The following KIAA1217 variants were observed in gnomAD, a reference collection of about 807,000 sequenced individuals.
KIAA1217 encodes sickle tail protein homolog.
Under a neutral mutation model 163.9 loss-of-function variants are expected in KIAA1217, and 88 were observed. The ratio of observed to expected loss-of-function variants is 0.54; its 90% CI spans 0.45 to 0.64. The LOEUF (loss-of-function observed/expected upper bound fraction) is 0.64. Ranked by LOEUF, KIAA1217 falls within the 30% of genes least tolerant of loss-of-function variation. The pLI is 0.00. For missense variants in KIAA1217, 2,372 were observed against 2,475.0 expected, an observed-to-expected ratio of 0.96 and a Z score of 0.88; for synonymous variants, 903 against 923.1, an observed-to-expected ratio of 0.98 and a Z score of 0.39.
intron 2 of KIAA1217, among the ~76,000 whole-genome samples, chr10:24,075,108 T>C (rs571165318): frequency 2.7e-5 from 4 of 145,698 alleles, no homozygotes; most frequent in East Asian, 4.0e-4. Context: ...AGTCCTTCTG[T>C]TCCCCCTAAA....
chr10:23,781,046 T>C (rs1041121630), intron 1 of KIAA1217, among the ~76,000 whole-genome samples: 2 of 152,212 alleles, frequency 1.3e-5, no homozygotes, highest in African/African-American at 4.8e-5. Context: ...TTGGCCGTTG[T>C]TGAGTAATGT....
chr10:24,372,293 TA>T (rs964040991), intron 2 of KIAA1217, among the ~76,000 whole-genome samples: 3 of 152,042 alleles, frequency 2.0e-5, no homozygotes, highest in African/African-American at 7.3e-5. Context: ...AAAGAAACGT[TA>T]AGAACACATA....
chr10:23,963,724 T>A (rs1375228573), intron 1 of KIAA1217, among the ~76,000 whole-genome samples: 1 of 152,134 alleles, frequency 6.6e-6, no homozygotes, highest in Non-Finnish European at 1.5e-5. Context: ...TAATTTATAC[T>A]CCCACCAACA....
chr10:24,093,371 T>A (rs548286298), intron 2 of KIAA1217, among the ~76,000 whole-genome samples: 6 of 151,376 alleles, frequency 4.0e-5, no homozygotes, highest in African/African-American at 7.3e-5. Flanking sequence ...GGGGTTTCAC[T>A]ATGTTTGCCA....
chr10:23,857,315 T>C (rs959948917), intron 1 of KIAA1217, among the ~76,000 whole-genome samples: 1 of 152,154 alleles, frequency 6.6e-6, no homozygotes, highest in African/African-American at 2.4e-5. Context: ...CTGAGCATCT[T>C]TTCAAATAGT....
At chr10:24,011,514 T>TA (rs1190923110) in intron 2 of KIAA1217, among the ~76,000 whole-genome samples, 5 of 151,758 alleles carry the variant, frequency 3.3e-5, no homozygotes, top group East Asian at 1.9e-4. Flanking sequence ...ATTGTCTTTT[T>TA]AAAAAAAAGC....
rs1310999683 is a variant in KIAA1217, at chr10:23,818,268, TATA to T, written c.-321+123038_-321+123040del. ...CATAATATATATTTTATATGTAATATATAATATGTTATATATTTATATGTTATA... is the reference window on the plus strand; with the variant it reads ...CATAATATATATTTTATATGTAATATATATGTTATATATTTATATGTTATA... On this transcript the variant is annotated intron_variant, in intron 1 of 18. Transcript: ENST00000376462. 5.6e-5 allele frequency among the ~76,000 whole-genome samples: 8 copies of T among 143,426 alleles called. No homozygotes were observed. In the East Asian group the frequency reaches 1.6e-3, roughly 29 times the overall value. 94.1% of individuals were successfully genotyped at this position (143,426 alleles called of 152,430 possible). A position where few individuals can be genotyped will look rare whatever the true frequency, so the allele number is the denominator to read the frequency against.
intron 1 of KIAA1217, among the ~76,000 whole-genome samples, chr10:23,838,332 T>C (rs139809390): frequency 6.6e-6 from 1 of 152,348 alleles, no homozygotes; most frequent in African/African-American, 2.4e-5. Context: ...GAATACAGTA[T>C]ACATTTTGTT....
chr10:23,803,886 T>TAC (rs200326047), intron 1 of KIAA1217, among the ~76,000 whole-genome samples: 4 of 151,358 alleles, frequency 2.6e-5, no homozygotes, highest in South Asian at 2.1e-4. Flanking sequence ...CACACACACA[T>TAC]ACACACACAC....
At chr10:24,144,344 A>G (rs147731623) in intron 2 of KIAA1217, among the ~76,000 whole-genome samples, 4 of 152,356 alleles carry the variant, frequency 2.6e-5, no homozygotes, top group African/African-American at 9.6e-5. Flanking sequence ...GCAGAGGGAA[A>G]TAGAAGAGCA....
At chr10:24,426,937 A>G (rs2059221206) in intron 3 of KIAA1217, among the ~76,000 whole-genome samples, 1 of 152,214 alleles carries the variant, frequency 6.6e-6, no homozygotes, top group African/African-American at 2.4e-5. Flanking sequence ...TGAGATAAAG[A>G]TATTTTAGAA....
In KIAA1217 at chr10:23,752,246, G is replaced by A. The variant is rs1458278464; in HGVS notation, c.-321+57012G>A. 2.0e-5 allele frequency among the ~76,000 whole-genome samples: 3 copies of A among 152,204 alleles called. No homozygotes were observed. In the East Asian group the frequency reaches 5.8e-4, roughly 29 times the overall value. On this transcript the variant is annotated intron_variant, in intron 1 of 18. Coordinates refer to the KIAA1217 transcript ENST00000376462. ...TAGCGAGTTGGAAGTATTGTATTATGTGGGAGGGGGATTTAATGAATTAAA... is the reference window on the plus strand; with the variant it reads ...TAGCGAGTTGGAAGTATTGTATTATATGGGAGGGGGATTTAATGAATTAAA...
At chr10:24,206,172 T>C (rs2067544812), upstream of KIAA1217, among the ~76,000 whole-genome samples, 1 of 152,204 alleles carries the variant, frequency 6.6e-6, no homozygotes, top group Non-Finnish European at 1.5e-5. Flanking sequence ...GTATTATTAT[T>C]ATTCTAGTTC....
At chr10:24,008,187 T>C (rs1847084196) in intron 2 of KIAA1217, among the ~76,000 whole-genome samples, 1 of 152,040 alleles carries the variant, frequency 6.6e-6, no homozygotes, top group Non-Finnish European at 1.5e-5. Context: ...GATAGATAGA[T>C]AGATAGATAG....
At chr10:24,434,524 A>T (rs1285874556) in intron 4 of KIAA1217, among the ~76,000 whole-genome samples, 1 of 152,134 alleles carries the variant, frequency 6.6e-6, no homozygotes, top group Non-Finnish European at 1.5e-5. Context: ...TTTTGTAGAG[A>T]CAGAATCTCC....
intron 2 of KIAA1217, among the ~76,000 whole-genome samples, chr10:24,354,656 T>TC (rs1355467627): frequency 2.7e-5 from 4 of 150,832 alleles, no homozygotes; most frequent in African/African-American, 7.4e-5. Flanking sequence ...CCCCTGGAGT[T>TC]CAGCCATCCT....
chr10:24,135,961 C>G (rs2063817659), intron 2 of KIAA1217, among the ~76,000 whole-genome samples: 1 of 152,150 alleles, frequency 6.6e-6, no homozygotes, highest in African/African-American at 2.4e-5. Context: ...GAACTTTTCT[C>G]CAGCTTCTTC....
At chr10:24,513,881 A>G (rs1225530480) in intron 10 of KIAA1217, among the ~76,000 whole-genome samples, 3 of 152,166 alleles carry the variant, frequency 2.0e-5, no homozygotes, top group African/African-American at 7.2e-5. Flanking sequence ...GCAAAACCCA[A>G]TGGCAAATAG....
chr10:24,413,690 T>G (rs2058003804), intron 3 of KIAA1217, among the ~76,000 whole-genome samples: 1 of 152,204 alleles, frequency 6.6e-6, no homozygotes, highest in African/African-American at 2.4e-5. Flanking sequence ...ACATCCAGCA[T>G]ACTTTTGTCT....
Sources: allele counts gnomAD v4.1 joint callset (sites outside exome capture counted in the v4.1 genomes callset), GRCh38; gene constraint gnomAD v4.1.1; transcripts MANE v1.5; gene names NCBI Gene and HGNC (gene_info 2026-07-23, HGNC 2026-07-21).